ZNF2: variants seen among roughly 807,000 people sequenced by gnomAD.
ZNF2 encodes the protein zinc finger protein 2.2.
A neutral mutation model predicts 21.9 loss-of-function variants in ZNF2; 12 were observed. That is an observed-to-expected ratio of 0.55 (90% CI 0.35 to 0.89). ZNF2 has a LOEUF of 0.89. Ranked by LOEUF, ZNF2 falls within the 40% of genes least tolerant of loss-of-function variation. The pLI is 0.01. For synonymous variants in ZNF2, 186 were observed against 196.3 expected, an observed-to-expected ratio of 0.95 and a Z score of 0.44; for missense variants, 462 against 544.2, an observed-to-expected ratio of 0.85 and a Z score of 1.50.
chr2:95,180,979 A>C (rs1674617407), intron 4 of ZNF2, 124 bp from the exon 5 acceptor site: 1 of 1,199,008 alleles, frequency 8.3e-7, no homozygotes, highest in Admixed American at 2.3e-5. Flanking sequence ...GCCGTGTAAG[A>C]CTATCTATGG....
chr2:95,169,386 G>C (rs1232653388), intron 1 of ZNF2, among the ~76,000 whole-genome samples: 1 of 152,238 alleles, frequency 6.6e-6, no homozygotes, highest in Non-Finnish European at 1.5e-5. Flanking sequence ...AAAAGCTCCA[G>C]TGCTTTAGAC....
chr2:95,170,182 GA>G (rs1309876915), intron 1 of ZNF2, among the ~76,000 whole-genome samples: 3 of 152,170 alleles, frequency 2.0e-5, no homozygotes, highest in Non-Finnish European at 4.4e-5. Context: ...AAAAGGAAAA[GA>G]ATACTTTTAG....
rs375691749 is a variant in ZNF2 at position 95,181,777 on chromosome 2, G to A, written c.949G>A (p.Glu317Lys). ...HTGRKPYECNECGKAFYGVSS... is the reference protein window; with the variant it reads ...HTGRKPYECNKCGKAFYGVSS... Reference sequence around the variant, plus strand: ...TGGCAGGAAGCCTTATGAGTGTAACGAGTGCGGGAAAGCTTTCTATGGTGT... The same window carrying A: ...TGGCAGGAAGCCTTATGAGTGTAACAAGTGCGGGAAAGCTTTCTATGGTGT... Residue 317 changes from glutamate (E) to lysine (K), a missense_variant, in exon 5 of 5, where the codon GAG (glutamate) becomes AAG (lysine). Coordinates refer to ENST00000614034, the MANE Select transcript of ZNF2 (RefSeq NM_021088.4). The A allele has an allele frequency of 1.2e-4, 201 of 1,614,052 alleles. No individual in the cohort carries two copies. Among genetic ancestry groups the A allele is most frequent in the Non-Finnish European group, 1.6e-4 (191 of 1,180,044 alleles).
intron 3 of ZNF2, among the ~76,000 whole-genome samples, chr2:95,179,244 G>A (rs1159310217): frequency 6.6e-6 from 1 of 152,036 alleles, no homozygotes; most frequent in Admixed American, 6.5e-5. Flanking sequence ...CACCCATCTC[G>A]GCCTCCCAAA....
chr2:95,168,270 C>T (rs1282968109), intron 1 of ZNF2, among the ~76,000 whole-genome samples: 1 of 151,892 alleles, frequency 6.6e-6, no homozygotes, highest in Non-Finnish European at 1.5e-5. Flanking sequence ...ACTAAAAATA[C>T]AAAAATTAGC....
At chr2:95,168,557 T>C (rs1169343889) in intron 1 of ZNF2, among the ~76,000 whole-genome samples, 1 of 152,186 alleles carries the variant, frequency 6.6e-6, no homozygotes, top group African/African-American at 2.4e-5. Context: ...CTTGTTGACC[T>C]CACACATCTC....
chr2:95,182,098 A>C lies in ZNF2; in HGVS notation c.1270A>C (p.Ile424Leu), dbSNP rs1454303026. The C allele has an allele frequency of 1.2e-6, 2 of 1,601,178 alleles. No homozygotes were observed. Among genetic ancestry groups the C allele is most frequent in the East Asian group, 4.5e-5 (2 of 44,620 alleles). ...TCAACGGCGTTACGCCAAACAGGGA[A>C]TAGACTGAGTTGGGCAAAAGCTTGG... is the stretch of plus-strand genomic sequence containing the variant. ...QHQRRYAKQGID is the reference protein window; with the variant it reads ...QHQRRYAKQGLD Residue 424 changes from isoleucine to leucine, a missense_variant, in exon 5 of 5, where the codon ATA becomes CTA. Coordinates refer to ENST00000614034, the MANE Select transcript of ZNF2 (RefSeq NM_021088.4).
rs545617206 is a variant in ZNF2, at chr2:95,170,950, A to G, written c.-40+5090A>G. 2.0e-5 allele frequency among the ~76,000 whole-genome samples: 3 copies of G among 152,344 alleles called. No homozygotes were observed. In the South Asian group the frequency reaches 6.2e-4, roughly 32 times the overall value. On this transcript the variant is annotated intron_variant, in intron 1 of 4. Transcript: ENST00000614034. ...CTTATATGAGTAGATACAAGTATCT[A>G]TCCTGAGGGTACATCTATAGTCATA...
chr2:95,174,611 A>T (rs942499587), intron 1 of ZNF2, among the ~76,000 whole-genome samples: 1 of 152,164 alleles, frequency 6.6e-6, no homozygotes, highest in Admixed American at 6.5e-5. Flanking sequence ...CTTAGCTTAG[A>T]TCCCACTCCT....
In ZNF2 at chr2:95,175,346, C is replaced by T. The variant is rs1290032948; in HGVS notation, c.-39-842C>T. ...ATTGGAGCCCATGGGTGGTGCTAGG[C>T]GAGGTGAGGGCTTCCCCAGGAATTC... On this transcript the variant is annotated intron_variant, in intron 1 of 4. Transcript: ENST00000614034. Among the ~76,000 whole-genome samples, 7 of 152,134 alleles carry T rather than the reference C, an allele frequency of 4.6e-5. No individual in the cohort carries two copies. The South Asian group carries it at 1.0e-3, about 22-fold the overall frequency.
At chr2:95,170,060 A>G (rs1169437120) in intron 1 of ZNF2, among the ~76,000 whole-genome samples, 1 of 152,130 alleles carries the variant, frequency 6.6e-6, no homozygotes, top group Non-Finnish European at 1.5e-5. Flanking sequence ...CAGAGCCTGT[A>G]CTCCCAATGA....
At chr2:95,167,847 CAAAA>C (rs113305303) in intron 1 of ZNF2, among the ~76,000 whole-genome samples, 3 of 67,418 alleles carry the variant, frequency 4.4e-5, no homozygotes, top group Admixed American at 1.6e-4. Context: ...AATTCCGTCT[CAAAA>C]AAAAAAAAAA....
chr2:95,181,292 G>C lies in ZNF2; in HGVS notation c.464G>C (p.Gly155Ala), dbSNP rs762186875. The change falls in exon 5 of 5, where the codon GGC (glycine) becomes GCC (alanine). Residue 155 changes from glycine to alanine, a missense_variant. Gly to Ala is a moderately conservative substitution (Grantham distance 60). Coordinates refer to ENST00000614034, the MANE Select transcript of ZNF2 (RefSeq NM_021088.4). ...TRKKSLSRDK[G>A]LRRRSALSRE... ...AAGAAATCCCTCTCCCGGGACAAAGGCTTGCGGCGACGGTCAGCCCTGTCC... is the reference window on the plus strand; with the variant it reads ...AAGAAATCCCTCTCCCGGGACAAAGCCTTGCGGCGACGGTCAGCCCTGTCC... The C allele has an allele frequency of 1.2e-6, 2 of 1,614,030 alleles. No homozygotes were observed. Among genetic ancestry groups the C allele is most frequent in the Non-Finnish European group, 1.7e-6 (2 of 1,179,904 alleles).
At chr2:95,169,376 A>G (rs1674195503) in intron 1 of ZNF2, among the ~76,000 whole-genome samples, 1 of 152,236 alleles carries the variant, frequency 6.6e-6, no homozygotes, top group South Asian at 2.1e-4. Context: ...GATTTGTTCA[A>G]AAAGCTCCAG....
At position 95,180,156 on chromosome 2, in the gene ZNF2, C is replaced by G; in HGVS notation, c.161-3C>G. The G allele has an allele frequency of 2.5e-6, 4 of 1,603,388 alleles. No individual in the cohort carries two copies. Among genetic ancestry groups the G allele is most frequent in the Non-Finnish European group, 3.4e-6 (4 of 1,170,552 alleles). On this transcript the variant is annotated splice_region_variant and splice_polypyrimidine_tract_variant and intron_variant, in intron 3 of 4. Transcript: ENST00000614034. ...CCTGCTTTGTTTCTTTCTCTTTGAG[C>G]AGGCCTTCCAGTTCCTCAACCTGAT...
chr2:95,172,826 G>A (rs1674324623), intron 1 of ZNF2, among the ~76,000 whole-genome samples: 1 of 151,686 alleles, frequency 6.6e-6, no homozygotes, highest in African/African-American at 2.4e-5. Context: ...TAGTAGAGAC[G>A]GGATTTCACC....
intron 3 of ZNF2, among the ~76,000 whole-genome samples, chr2:95,179,005 T>G (rs2104507392): frequency 1.3e-5 from 2 of 151,554 alleles, no homozygotes; most frequent in South Asian, 4.2e-4. Flanking sequence ...TTTTTTTTTT[T>G]TTTTGAGACA....
At chr2:95,180,440 G>A (rs1674600176) in intron 4 of ZNF2, among the ~76,000 whole-genome samples, 168 bp downstream of exon 4, 1 of 150,560 alleles carries the variant, frequency 6.6e-6, no homozygotes, top group Non-Finnish European at 1.5e-5. Context: ...ACCTTAACGT[G>A]TTATTCATCT....
chr2:95,176,099 C>T lies in ZNF2; in HGVS notation c.-39-89C>T, dbSNP rs1327072773. 4 of 1,140,396 alleles carry T rather than the reference C, an allele frequency of 3.5e-6. No homozygotes were observed. In the African/African-American group the frequency reaches 6.1e-5, roughly 17 times the overall value. 70.6% of individuals were successfully genotyped at this position (1,140,396 alleles called of 1,614,324 possible). A position where few individuals can be genotyped will look rare whatever the true frequency, so the allele number is the denominator to read the frequency against. On this transcript the variant is annotated intron_variant, in intron 1 of 4. Coordinates refer to ENST00000614034, the MANE Select transcript of ZNF2 (RefSeq NM_021088.4). ...AAGGTATTGAGGATGACATATCCCC[C>T]TGGTATGTGCTTCATGGGTCAAAAG...
Sources: gnomAD v4.1 joint callset for allele counts (sites outside exome capture counted in the v4.1 genomes callset) on GRCh38, gnomAD v4.1.1 for gene constraint, MANE v1.5 for transcripts, NCBI Gene and HGNC (gene_info 2026-07-23, HGNC 2026-07-21) for gene names.